SEPTIN9: variants seen among roughly 807,000 people sequenced by gnomAD.
SEPTIN9 encodes septin-9.
In SEPTIN9, 13 loss-of-function variants were observed where a neutral mutation model predicts 56.6. That is an observed-to-expected ratio of 0.23 (90% confidence interval 0.15 to 0.37). SEPTIN9 has a LOEUF of 0.37. Ranked by LOEUF, SEPTIN9 falls within the 10% of genes least tolerant of loss-of-function variation. The pLI is 1.00. For synonymous variants in SEPTIN9, 332 were observed against 334.1 expected (o/e 0.99, Z 0.07); for missense variants, 650 against 823.1 (o/e 0.79, Z 2.57).
At chr17:77,441,118 A>G (rs1008289693) in intron 3 of SEPTIN9, among the ~76,000 whole-genome samples, 2 of 152,090 alleles carry the variant, frequency 1.3e-5, no homozygotes, top group South Asian at 4.1e-4. Flanking sequence ...GAGAGAATGG[A>G]GCTGGCCTCC....
intron 2 of SEPTIN9, among the ~76,000 whole-genome samples, chr17:77,398,615 A>G (rs919533916): frequency 2.0e-5 from 3 of 152,140 alleles, no homozygotes; most frequent in Non-Finnish European, 4.4e-5. Flanking sequence ...TTCCTTGGGG[A>G]AGATGGACAC....
chr17:77,460,365 G>A (rs903585298), intron 3 of SEPTIN9, among the ~76,000 whole-genome samples: 2 of 152,102 alleles, frequency 1.3e-5, no homozygotes, highest in African/African-American at 4.8e-5. Context: ...AGCTCACCGT[G>A]GTGCTCCCCG....
In SEPTIN9 at chr17:77,345,931, GTTGTTTTGTT is replaced by G. The variant is rs10535531; in HGVS notation, c.76+38763_76+38772del. 9.2e-3 allele frequency among the ~76,000 whole-genome samples: 1,367 copies of G among 149,084 alleles called. 15 individuals carry two copies. Among genetic ancestry groups the G allele is most frequent in the Admixed American group, 0.03 (443 of 14,930 alleles). ...TTTTTCCAGATTCTTTGTTTTTTTT[GTTGTTTTGTT>G]TTGTTTTGTTTTGTTTTGTTTTGTT... On this transcript the variant is annotated intron_variant, in intron 2 of 11. Transcript: ENST00000427177.
chr17:77,459,324 C>G (rs974496264), intron 3 of SEPTIN9, among the ~76,000 whole-genome samples: 1 of 152,218 alleles, frequency 6.6e-6, no homozygotes, highest in Non-Finnish European at 1.5e-5. Flanking sequence ...CACCAACAGC[C>G]ACCTCCATCT....
At chr17:77,428,919 G>A (rs1215390006) in intron 3 of SEPTIN9, 6 of 429,606 alleles carry the variant, frequency 1.4e-5, no homozygotes, top group Middle Eastern at 3.4e-4. Context: ...ACAAATTTGG[G>A]GATTTAATGA....
chr17:77,316,828 T>C (rs1325706904), intron 2 of SEPTIN9, among the ~76,000 whole-genome samples: 1 of 151,952 alleles, frequency 6.6e-6, no homozygotes, highest in East Asian at 1.9e-4. Flanking sequence ...CGCCGCAGCC[T>C]CCCAAAGTGC....
chr17:77,344,169 A>T (rs1405703063), intron 2 of SEPTIN9, among the ~76,000 whole-genome samples: 1 of 105,152 alleles, frequency 9.5e-6, no homozygotes, highest in Non-Finnish European at 1.9e-5. Flanking sequence ...GAACTCCTAC[A>T]ACTAAGCCAC....
chr17:77,396,032 G>A lies in SEPTIN9; in HGVS notation c.77-6027G>A, dbSNP rs188733775. On this transcript the variant is annotated intron_variant, in intron 2 of 11. Transcript: ENST00000427177. ...TTGAGATCGGTGGGGATTGGAGAAG[G>A]GACCCAGGGAGGCTTTTGGGAGCTT... 7.2e-5 allele frequency among the ~76,000 whole-genome samples: 11 copies of A among 152,302 alleles called. No homozygotes were observed. In the East Asian group the frequency reaches 1.9e-3, roughly 27 times the overall value.
chr17:77,327,032 T>C lies in SEPTIN9; in HGVS notation c.76+19835T>C, dbSNP rs2143687929. Among the ~76,000 whole-genome samples, 1 of 151,782 alleles carries C rather than the reference T, an allele frequency of 6.6e-6. No homozygotes were observed. On this transcript the variant is annotated intron_variant, in intron 2 of 11. Coordinates refer to ENST00000427177, the MANE Select transcript of SEPTIN9 (RefSeq NM_001113491.2). The surrounding 1 kb of genome is among the most constrained non-coding windows in gnomAD (Gnocchi z 5.0). ...CCTGTATCCTTTGTAATATCCTTTA[T>C]AATAAACTAGTAAATTCCATGAGCC... is the stretch of plus-strand genomic sequence containing the variant.
At chr17:77,406,104 G>A (rs1217153110) in intron 3 of SEPTIN9, among the ~76,000 whole-genome samples, 1 of 152,204 alleles carries the variant, frequency 6.6e-6, no homozygotes, top group Non-Finnish European at 1.5e-5. Flanking sequence ...GGCCCCAGCT[G>A]AATTGCTCCC....
intron 1 of SEPTIN9, among the ~76,000 whole-genome samples, chr17:77,306,532 G>A (rs1403206486): frequency 1.3e-5 from 2 of 152,246 alleles, no homozygotes; most frequent in South Asian, 2.1e-4. Context: ...CGCATGCCGC[G>A]GGAGGCTGCA....
intron 3 of SEPTIN9, among the ~76,000 whole-genome samples, chr17:77,420,269 C>T (rs1012200819): frequency 5.9e-4 from 90 of 152,206 alleles, no homozygotes; most frequent in African/African-American, 2.1e-3. Context: ...CCGGACAGCC[C>T]GGCTCAGTGA....
In SEPTIN9 at chr17:77,449,388, T is replaced by C. The variant is rs754835038; in HGVS notation, c.722-32756T>C. Among the ~76,000 whole-genome samples the C allele has an allele frequency of 6.6e-6, 1 of 152,108 alleles. No individual in the cohort carries two copies. Among genetic ancestry groups the C allele is most frequent in the Non-Finnish European group, 1.5e-5 (1 of 68,034 alleles). On this transcript the variant is annotated intron_variant, in intron 3 of 11. Coordinates refer to ENST00000427177, the MANE Select transcript of SEPTIN9 (RefSeq NM_001113491.2). This position sits in a 1 kb window ranked among gnomAD's most constrained non-coding sequence, Gnocchi z 4.6. ...CACCTCAGCAAAGCACCCAGGATGC[T>C]GGCCTCCCAGCTCAGGAATCCAGAG...
intron 1 of SEPTIN9, chr17:77,294,373 T>C (rs1434197805): frequency 6.6e-6 from 1 of 152,562 alleles, no homozygotes; most frequent in East Asian, 1.9e-4. Context: ...TGGGCCAAGA[T>C]CGTGCCATTG....
chr17:77,348,368 G>A (rs1037922755), intron 2 of SEPTIN9, among the ~76,000 whole-genome samples: 6 of 129,378 alleles, frequency 4.6e-5, no homozygotes, highest in Non-Finnish European at 9.3e-5. Flanking sequence ...GCATGATCTT[G>A]GCTCACTGCA....
chr17:77,478,761 G>A lies in SEPTIN9; in HGVS notation c.722-3383G>A, dbSNP rs951060476. On this transcript the variant is annotated intron_variant, in intron 3 of 11. Coordinates refer to ENST00000427177, the MANE Select transcript of SEPTIN9 (RefSeq NM_001113491.2). ...AGAGGTTTCGGTGAGCCGAGATCGCGCCATTGCACTCCAGCCTGGGCAACA... is the reference window on the plus strand; with the variant it reads ...AGAGGTTTCGGTGAGCCGAGATCGCACCATTGCACTCCAGCCTGGGCAACA... 8.8e-5 allele frequency among the ~76,000 whole-genome samples: 13 copies of A among 148,436 alleles called. 1 individual carries two copies. The highest frequency in any genetic ancestry group is 2.8e-4 in the African/African-American group (11 of 39,180).
intron 3 of SEPTIN9, among the ~76,000 whole-genome samples, chr17:77,431,930 G>A (rs1159104872): frequency 6.6e-6 from 1 of 151,776 alleles, no homozygotes; most frequent in East Asian, 1.9e-4. Flanking sequence ...GTAAAAGGAT[G>A]AGGCCAAATA....
chr17:77,293,710 C>T (rs1282047936), intron 1 of SEPTIN9, among the ~76,000 whole-genome samples: 5 of 152,224 alleles, frequency 3.3e-5, no homozygotes, highest in Non-Finnish European at 7.3e-5. Flanking sequence ...GAGTACCAGT[C>T]AACTGTCAGT....
chr17:77,301,054 G>A (rs1465563462), intron 1 of SEPTIN9, among the ~76,000 whole-genome samples: 1 of 85,414 alleles, frequency 1.2e-5, no homozygotes, highest in Non-Finnish European at 2.3e-5. Context: ...GGCTCAAACC[G>A]CTCCCACCCC....
Sources: gnomAD v4.1 joint callset for allele counts (sites outside exome capture counted in the v4.1 genomes callset) on GRCh38, gnomAD v4.1.1 for gene constraint, Gnocchi (gnomAD v3.1) non-coding constraint, MANE v1.5 for transcripts, NCBI Gene and HGNC (gene_info 2026-07-23, HGNC 2026-07-21) for gene names.